The following PRICKLE2 variants were observed in gnomAD, a reference collection of about 807,000 sequenced individuals.
The protein encoded by PRICKLE2 is prickle-like protein 2.
Under a neutral mutation model 81.4 loss-of-function variants are expected in PRICKLE2, and 21 were observed. The ratio of observed to expected loss-of-function variants is 0.26; its 90% CI spans 0.18 to 0.37. PRICKLE2 has a LOEUF of 0.37. Ranked by LOEUF, PRICKLE2 falls within the 10% of genes least tolerant of loss-of-function variation. The pLI, the probability that PRICKLE2 is intolerant of heterozygous loss-of-function variation, is 1.00. For missense variants in PRICKLE2, 940 were observed against 1,109.0 expected (o/e 0.85, Z 2.16); for synonymous variants, 456 against 421.5 (o/e 1.08, Z -1.00).
rs1441238911 is a variant in PRICKLE2 at position 64,147,123 on chromosome 3, G to A, written c.1367C>T (p.Ala456Val). 3.1e-6 allele frequency: 5 copies of A among 1,614,032 alleles called. No individual in the cohort carries two copies. The Admixed American group carries it at 5.0e-5, about 16-fold the overall frequency. ...FSNPKRSSSL[A>V]MTGHAGSFIK... ...GAAGCTGCCAGCATGTCCTGTCATG[G>A]CCAGTGACGAGCTCCTTTTGGGGTT... Residue 456 changes from alanine to valine, a missense_variant, in exon 7 of 8, where the codon GCC (alanine) becomes GTC (valine). Physicochemically the swap from Ala to Val is moderately conservative, Grantham distance 64. This residue lies in a region of PRICKLE2 where 670 missense variants were observed against 717.2 expected (regional missense o/e 0.93). Transcript: ENST00000638394. This position sits in a 1 kb window ranked among gnomAD's most constrained non-coding sequence, Gnocchi z 5.0.
rs144965017 is a variant in PRICKLE2 at position 64,112,842 on chromosome 3, G to C, written c.1661-12917C>G. On this transcript the variant is annotated intron_variant, in intron 7 of 7. Coordinates refer to ENST00000638394, the MANE Select transcript of PRICKLE2 (RefSeq NM_198859.4). Reference sequence around the variant, plus strand: ...CAGCTCCATTAAAAAATGAGCAAAGGGGGAGAAGGCAAGATGGCTGACTAG... The same window carrying C: ...CAGCTCCATTAAAAAATGAGCAAAGCGGGAGAAGGCAAGATGGCTGACTAG... Among the ~76,000 whole-genome samples the C allele has an allele frequency of 4.0e-4, 61 of 152,280 alleles. 2 individuals are homozygous for C. Among genetic ancestry groups the C allele is most frequent in the African/African-American group, 1.4e-3 (60 of 41,552 alleles).
intron 7 of PRICKLE2, among the ~76,000 whole-genome samples, chr3:64,109,024 C>T (rs1204159781): frequency 6.6e-6 from 1 of 152,110 alleles, no homozygotes; most frequent in Non-Finnish European, 1.5e-5. Context: ...CTGAGGACCG[C>T]TGCTCTAACA....
intron 7 of PRICKLE2, among the ~76,000 whole-genome samples, chr3:64,143,757 T>C (rs113423255): frequency 2.0e-5 from 3 of 152,364 alleles, no homozygotes; most frequent in Middle Eastern, 3.4e-3. Context: ...ATGATTCTAA[T>C]GCAGGTGGTC....
At chr3:64,258,235 C>A (rs1350698580) in intron 2 of PRICKLE2, among the ~76,000 whole-genome samples, 1 of 152,068 alleles carries the variant, frequency 6.6e-6, no homozygotes, top group Admixed American at 6.5e-5. Flanking sequence ...GGATTTTGTC[C>A]CAGCAATGCA....
At chr3:64,208,578 T>C (rs971673637) in intron 1 of PRICKLE2, among the ~76,000 whole-genome samples, 2 of 152,228 alleles carry the variant, frequency 1.3e-5, no homozygotes, top group Non-Finnish European at 2.9e-5. Context: ...CTCCTGTTGC[T>C]CTAGCTCAAC....
At chr3:64,161,812 T>C (rs1320615786) in intron 3 of PRICKLE2, among the ~76,000 whole-genome samples, 1 of 151,906 alleles carries the variant, frequency 6.6e-6, no homozygotes, top group Admixed American at 6.6e-5. Context: ...ACTGACATTT[T>C]AGGGACATGC....
chr3:64,172,866 C>T (rs1173405784), intron 2 of PRICKLE2, among the ~76,000 whole-genome samples: 2 of 152,176 alleles, frequency 1.3e-5, no homozygotes, highest in Non-Finnish European at 2.9e-5. Context: ...GGAGCATGCA[C>T]AGAGAAAAGG....
intron 2 of PRICKLE2, among the ~76,000 whole-genome samples, chr3:64,254,756 G>A (rs2079500359): frequency 6.6e-6 from 1 of 152,116 alleles, no homozygotes; most frequent in African/African-American, 2.4e-5. Flanking sequence ...TGTTGACAAG[G>A]TTATCATAGC....
chr3:64,237,934 C>G (rs1365596255), intron 2 of PRICKLE2, among the ~76,000 whole-genome samples: 1 of 152,182 alleles, frequency 6.6e-6, no homozygotes, highest in Non-Finnish European at 1.5e-5. Context: ...GCTTTTCACT[C>G]TTCCACCCCT....
intron 2 of PRICKLE2, among the ~76,000 whole-genome samples, chr3:64,241,370 C>T (rs573071268): frequency 6.6e-5 from 10 of 152,260 alleles, no homozygotes; most frequent in Middle Eastern, 3.4e-3. Context: ...AACACCAGGG[C>T]GGAGAGTCAG....
intron 4 of PRICKLE2, among the ~76,000 whole-genome samples, chr3:64,159,053 T>TG (rs2077686174): frequency 6.6e-6 from 1 of 152,058 alleles, no homozygotes; most frequent in South Asian, 2.1e-4. Context: ...AGCTGAGAGG[T>TG]GGGGCAAGGT....
intron 2 of PRICKLE2, among the ~76,000 whole-genome samples, chr3:64,242,838 G>C (rs2079288482): frequency 6.6e-6 from 1 of 152,252 alleles, no homozygotes; most frequent in Non-Finnish European, 1.5e-5. Context: ...TCATCTGTAA[G>C]AGGAGCACAG....
At chr3:64,127,614 G>T (rs991255948) in intron 7 of PRICKLE2, among the ~76,000 whole-genome samples, 4 of 152,048 alleles carry the variant, frequency 2.6e-5, no homozygotes, top group African/African-American at 7.2e-5. Context: ...CTGACTGAAG[G>T]CTTAAGGTCT....
rs971186194 is a variant in PRICKLE2, at chr3:64,199,102, C to G, written c.-40-135G>C. 5.2e-6 allele frequency: 4 copies of G among 768,376 alleles called. No individual in the cohort carries two copies. The Admixed American group carries it at 8.5e-5, about 16-fold the overall frequency. 47.6% of individuals were successfully genotyped at this position (768,376 alleles called of 1,614,324 possible). ...CAATGGGCATCGGGCAAAGGCATCG[C>G]GAGCAGTGTTCCAGAACATGACTGT... On this transcript the variant is annotated intron_variant, in intron 1 of 7. Transcript: ENST00000638394.
intron 6 of PRICKLE2, among the ~76,000 whole-genome samples, chr3:64,151,980 G>C (rs1178960015): frequency 1.3e-5 from 2 of 152,176 alleles, no homozygotes; most frequent in Non-Finnish European, 2.9e-5. Context: ...GCCCAGGCCT[G>C]AGCATGTGGG....
Position 64,096,043 on chromosome 3 carries a change from TTCCTGGGTCTGGGA to T in PRICKLE2, c.*2994_*3007del, listed in dbSNP as rs2076567461. 1 of 152,208 alleles carries T rather than the reference TTCCTGGGTCTGGGA, an allele frequency of 6.6e-6. No individual in the cohort carries two copies. The highest frequency in any genetic ancestry group is 2.4e-5 in the African/African-American group (1 of 41,448). 9.4% of individuals were successfully genotyped at this position (152,208 alleles called of 1,614,324 possible). A position where few individuals can be genotyped will look rare whatever the true frequency, so the allele number is the denominator to read the frequency against. ...TCAGGAAACTGTCAATGACTTATAC[TTCCTGGGTCTGGGA>T]ACAAGCCAGCTATGTTGCTACTGAA... On this transcript the variant is annotated 3_prime_UTR_variant, in exon 8 of 8. Coordinates refer to ENST00000638394, the MANE Select transcript of PRICKLE2 (RefSeq NM_198859.4).
At chr3:64,265,456 G>A (rs1369076914) in intron 2 of PRICKLE2, among the ~76,000 whole-genome samples, 2 of 152,158 alleles carry the variant, frequency 1.3e-5, no homozygotes, top group Admixed American at 6.5e-5. Flanking sequence ...TTATGATAGT[G>A]ATAGGAAGTG....
intron 5 of PRICKLE2, among the ~76,000 whole-genome samples, 161 bp downstream of exon 5, chr3:64,157,001 T>C (rs1178394166): frequency 6.6e-6 from 1 of 152,200 alleles, no homozygotes; most frequent in Non-Finnish European, 1.5e-5. Context: ...CCAGACATTC[T>C]AGAAACCAGG....
chr3:64,105,371 T>C (rs947333086), intron 7 of PRICKLE2, among the ~76,000 whole-genome samples: 2 of 152,336 alleles, frequency 1.3e-5, no homozygotes, highest in East Asian at 1.9e-4. Flanking sequence ...TACTCTTCAC[T>C]GTATTCTTGC....
Sources: allele counts gnomAD v4.1 joint callset (sites outside exome capture counted in the v4.1 genomes callset), GRCh38; gene constraint gnomAD v4.1.1; regional missense constraint gnomAD v4.1.1; non-coding constraint Gnocchi (gnomAD v3.1); transcripts MANE v1.5; gene names NCBI Gene and HGNC (gene_info 2026-07-23, HGNC 2026-07-21).